Variants in PDE4B observed in about 807,000 individuals in gnomAD.
PDE4B encodes the protein phosphodiesterase 4B.
PDE4B carries 20 observed loss-of-function variants against 82.2 expected under a neutral mutation model. The observed-to-expected ratio is 0.24, with a 90% CI of 0.17 to 0.35. The LOEUF is 0.35. PDE4B is among the 10% of genes least tolerant of loss of function. PDE4B has a pLI of 1.00. For missense variants in PDE4B, 655 were observed against 907.2 expected (o/e 0.72, Z 3.57); for synonymous variants, 320 against 318.9 (o/e 1.00, Z -0.04).
chr1:65,838,483 A>G (rs540020788), intron 1 of PDE4B, among the ~76,000 whole-genome samples: 1 of 148,308 alleles, frequency 6.7e-6, no homozygotes, highest in Non-Finnish European at 1.5e-5. Flanking sequence ...CTATATATAT[A>G]CGTATATGTA....
At chr1:66,334,665 T>C (rs1660372809) in intron 8 of PDE4B, among the ~76,000 whole-genome samples, 1 of 152,252 alleles carries the variant, frequency 6.6e-6, no homozygotes, top group South Asian at 2.1e-4. Flanking sequence ...AAGCAATTAT[T>C]TAGTGCATGA....
chr1:66,027,860 C>T (rs1224807834), intron 3 of PDE4B, among the ~76,000 whole-genome samples: 2 of 152,192 alleles, frequency 1.3e-5, no homozygotes, highest in African/African-American at 4.8e-5. Context: ...GCAGCTTCAC[C>T]CCTGTGACTT....
chr1:66,123,711 G>A (rs920624017), intron 3 of PDE4B, among the ~76,000 whole-genome samples: 3 of 152,100 alleles, frequency 2.0e-5, no homozygotes, highest in Non-Finnish European at 2.9e-5. Flanking sequence ...AATTAATTAT[G>A]GTTAGATGCA....
chr1:66,281,221 T>C (rs192743366), intron 7 of PDE4B, among the ~76,000 whole-genome samples: 21 of 152,374 alleles, frequency 1.4e-4, no homozygotes, highest in African/African-American at 4.1e-4. Flanking sequence ...TTCCCTTTTC[T>C]AAATTTGTTG....
chr1:66,104,479 G>A (rs1190383971), intron 3 of PDE4B, among the ~76,000 whole-genome samples: 4 of 142,194 alleles, frequency 2.8e-5, no homozygotes, highest in Non-Finnish European at 4.6e-5. Context: ...GGGTCAAATG[G>A]TATTTCTAGT....
intron 1 of PDE4B, among the ~76,000 whole-genome samples, chr1:65,798,140 C>T (rs1645651912): frequency 6.6e-6 from 1 of 151,964 alleles, no homozygotes; most frequent in Admixed American, 6.6e-5. Flanking sequence ...GCCTCAGCCT[C>T]CCAAGTAGCT....
chr1:65,874,444 C>A (rs1646614093), intron 1 of PDE4B, among the ~76,000 whole-genome samples: 2 of 152,126 alleles, frequency 1.3e-5, no homozygotes, highest in Admixed American at 1.3e-4. Flanking sequence ...GCCAGAACTT[C>A]CAACACTATG....
intron 3 of PDE4B, among the ~76,000 whole-genome samples, chr1:65,997,157 GC>G (rs1651592823): frequency 2.2e-5 from 1 of 45,588 alleles, no homozygotes. Flanking sequence ...ACCCACCCCC[GC>G]CCCCCACCCT....
At chr1:66,309,640 G>A (rs1658530264) in intron 7 of PDE4B, among the ~76,000 whole-genome samples, 1 of 152,164 alleles carries the variant, frequency 6.6e-6, no homozygotes, top group African/African-American at 2.4e-5. Flanking sequence ...TCTTGGATGG[G>A]AGTACAGGCT....
intron 3 of PDE4B, among the ~76,000 whole-genome samples, chr1:65,994,103 G>A (rs1376176356): frequency 6.6e-6 from 1 of 152,068 alleles, no homozygotes; most frequent in Non-Finnish European, 1.5e-5. Flanking sequence ...CATTTTAAAG[G>A]CAATTCTAAC....
At chr1:65,849,747 G>T (rs1646308972) in intron 1 of PDE4B, among the ~76,000 whole-genome samples, 1 of 152,150 alleles carries the variant, frequency 6.6e-6, no homozygotes, top group African/African-American at 2.4e-5. Flanking sequence ...CATTTTGAGA[G>T]CCTGATGCAA....
intron 7 of PDE4B, among the ~76,000 whole-genome samples, chr1:66,277,669 C>T (rs1025956506): frequency 1.5e-4 from 23 of 152,368 alleles, no homozygotes; most frequent in African/African-American, 4.6e-4. Flanking sequence ...GCTGGGATTA[C>T]AGGCATGAGC....
intron 8 of PDE4B, chr1:66,354,280 G>A (rs1440137128): frequency 2.1e-6 from 1 of 470,892 alleles, no homozygotes; most frequent in Non-Finnish European, 2.8e-6. Context: ...TGCATCTGCA[G>A]AATTCTGGTC....
chr1:66,042,772 G>A (rs1654457369), intron 3 of PDE4B: 1 of 151,658 alleles, frequency 6.6e-6, no homozygotes, highest in African/African-American at 2.4e-5. Context: ...AGACTATTTT[G>A]TATTAGCCAA....
chr1:65,847,190 A>T (rs766679169), intron 1 of PDE4B, among the ~76,000 whole-genome samples: 2 of 152,228 alleles, frequency 1.3e-5, no homozygotes, highest in Admixed American at 1.3e-4. Flanking sequence ...ACATGTATTG[A>T]GCTCTTACTA....
intron 1 of PDE4B, among the ~76,000 whole-genome samples, chr1:65,830,390 T>C (rs1010196517): frequency 3.3e-5 from 5 of 152,114 alleles, no homozygotes; most frequent in Admixed American, 3.3e-4. Flanking sequence ...TTCCAAATAA[T>C]TGAATCTGCA....
intron 4 of PDE4B, chr1:66,257,272 T>A (rs1327528177): frequency 1.0e-5 from 3 of 299,900 alleles, no homozygotes; most frequent in Non-Finnish European, 2.0e-5. Flanking sequence ...TTTTTCCAAC[T>A]GTGTGTGTCC....
At chr1:66,101,618 C>T (rs1570236758) in intron 3 of PDE4B, among the ~76,000 whole-genome samples, 1 of 152,200 alleles carries the variant, frequency 6.6e-6, no homozygotes, top group African/African-American at 2.4e-5. Context: ...CTGTTGGCTG[C>T]ATAAATGTCT....
chr1:66,286,531 AC>A (rs1233553598), intron 7 of PDE4B, among the ~76,000 whole-genome samples: 18 of 152,250 alleles, frequency 1.2e-4, no homozygotes, highest in African/African-American at 4.3e-4. Flanking sequence ...CCCAAAACAA[AC>A]AAGACAGCAT....
Sources: gnomAD v4.1 joint callset for allele counts (sites outside exome capture counted in the v4.1 genomes callset) on GRCh38, gnomAD v4.1.1 for gene constraint, MANE v1.5 for transcripts, NCBI Gene and HGNC (gene_info 2026-07-23, HGNC 2026-07-21) for gene names.